COL24A1: variants seen among roughly 807,000 people sequenced by gnomAD.
COL24A1 encodes the protein collagen alpha-1(XXIV) chain.
A neutral mutation model predicts 253.9 loss-of-function variants in COL24A1; 224 were observed. The ratio of observed to expected loss-of-function variants is 0.88; its 90% CI spans 0.79 to 0.99. COL24A1 has a LOEUF of 0.99. COL24A1 is among the 50% of genes least tolerant of loss of function. The pLI, the probability that COL24A1 is intolerant of heterozygous loss-of-function variation, is 0.00. For missense variants in COL24A1, 2,131 were observed against 2,068.5 expected (o/e 1.03, Z -0.59); for synonymous variants, 685 against 673.7 (o/e 1.02, Z -0.26).
chr1:85,835,538 T>A (rs1249543353), intron 43 of COL24A1, among the ~76,000 whole-genome samples: 4 of 152,212 alleles, frequency 2.6e-5, no homozygotes, highest in Admixed American at 1.3e-4. Context: ...TGGTCAAAGA[T>A]GTTTGTGACT....
intron 19 of COL24A1, among the ~76,000 whole-genome samples, chr1:85,995,588 G>A (rs369547044): frequency 3.3e-5 from 5 of 152,176 alleles, no homozygotes; most frequent in Admixed American, 6.5e-5. Flanking sequence ...GAGGAGGGAG[G>A]GGGGAAGGAG....
intron 43 of COL24A1, among the ~76,000 whole-genome samples, chr1:85,831,923 T>C (rs1054947834): frequency 1.3e-5 from 2 of 152,084 alleles, no homozygotes; most frequent in Non-Finnish European, 2.9e-5. Flanking sequence ...AGAAGCTCTT[T>C]AGTTTAATTA....
intron 47 of COL24A1, among the ~76,000 whole-genome samples, chr1:85,815,871 T>A (rs1672998991): frequency 6.6e-6 from 1 of 152,158 alleles, no homozygotes; most frequent in African/African-American, 2.4e-5. Context: ...AGGATGACAT[T>A]AGGGAAGGAA....
chr1:85,770,293 C>A (rs1161422754), intron 53 of COL24A1, among the ~76,000 whole-genome samples: 1 of 134,168 alleles, frequency 7.5e-6, no homozygotes, highest in East Asian at 2.1e-4. Context: ...GAGTCTCAAG[C>A]ATACCCTAAG....
At chr1:85,838,181 A>AT (rs35879143) in intron 43 of COL24A1, among the ~76,000 whole-genome samples, 1 of 151,826 alleles carries the variant, frequency 6.6e-6, no homozygotes, top group Admixed American at 6.6e-5. Context: ...GAGAGACAAG[A>AT]TTTTTTTTCT....
chr1:85,793,807 T>G (rs914922183), intron 47 of COL24A1, among the ~76,000 whole-genome samples: 18 of 152,058 alleles, frequency 1.2e-4, no homozygotes, highest in African/African-American at 3.4e-4. Flanking sequence ...TTCAAAAATG[T>G]TCAGAAAAGA....
intron 24 of COL24A1, among the ~76,000 whole-genome samples, chr1:85,952,371 T>C (rs781237697): frequency 2.6e-4 from 39 of 152,232 alleles, no homozygotes; most frequent in Admixed American, 3.9e-4. Flanking sequence ...TAGACATACA[T>C]GTGGTGTACA....
chr1:85,830,244 G>A (rs1286446490), intron 43 of COL24A1, among the ~76,000 whole-genome samples: 1 of 152,088 alleles, frequency 6.6e-6, no homozygotes, highest in Admixed American at 6.6e-5. Flanking sequence ...CGGGGGTCAG[G>A]GGTCAGGGAC....
At chr1:85,739,451 C>T (rs940365053) in intron 57 of COL24A1, among the ~76,000 whole-genome samples, 2 of 152,130 alleles carry the variant, frequency 1.3e-5, no homozygotes, top group African/African-American at 4.8e-5. Flanking sequence ...CTAGCTCTTC[C>T]CTGAGGACAC....
At position 86,023,002 on chromosome 1, in the gene COL24A1, A is replaced by G. The variant is rs1224379941; in HGVS notation, c.2055T>C (p.Ser685=). The G allele has an allele frequency of 6.2e-7, 1 of 1,612,542 alleles. No homozygotes were observed. The highest frequency in any genetic ancestry group is 1.3e-5 in the African/African-American group (1 of 74,870). The change falls in exon 15 of 60, where the codon AGT becomes AGC. Residue 685 remains serine, a synonymous_variant. Coordinates refer to ENST00000370571, the MANE Select transcript of COL24A1 (RefSeq NM_152890.7). ...GTCCAATTGGTCCCACAGGGCCAAC[A>G]CTGCCCTGGAAAACAGTAAGAAAGA... The part of the protein sequence containing the change: ...GPPGFPGLRG[S]VGPVGPIGPA...
intron 20 of COL24A1, among the ~76,000 whole-genome samples, chr1:85,974,255 A>C (rs1339004858): frequency 6.6e-6 from 1 of 152,152 alleles, no homozygotes; most frequent in African/African-American, 2.4e-5. Context: ...AGAATACTGA[A>C]TCCTCAAATG....
intron 24 of COL24A1, among the ~76,000 whole-genome samples, chr1:85,920,827 A>T (rs923538900): frequency 6.6e-6 from 1 of 152,132 alleles, no homozygotes; most frequent in Non-Finnish European, 1.5e-5. Context: ...TCTCCATAGA[A>T]CAATCAATTG....
At chr1:85,949,110 G>A (rs966647902) in intron 24 of COL24A1, among the ~76,000 whole-genome samples, 14 of 151,876 alleles carry the variant, frequency 9.2e-5, no homozygotes, top group East Asian at 1.9e-4. Flanking sequence ...ACTCTTACCC[G>A]TTTTGTTATA....
At chr1:85,847,017 GC>G (rs1677208057) in intron 39 of COL24A1, among the ~76,000 whole-genome samples, 1 of 152,032 alleles carries the variant, frequency 6.6e-6, no homozygotes, top group South Asian at 2.1e-4. Context: ...TTGTAAAAAA[GC>G]CTATGAAACA....
intron 59 of COL24A1, among the ~76,000 whole-genome samples, chr1:85,730,898 G>A (rs1002462875): frequency 2.6e-5 from 4 of 151,968 alleles, no homozygotes; most frequent in Non-Finnish European, 5.9e-5. Flanking sequence ...GGCACTGTCT[G>A]TTCTAATTTT....
At chr1:86,138,864 A>C (rs1553148857) in intron 2 of COL24A1, among the ~76,000 whole-genome samples, 1 of 147,628 alleles carries the variant, frequency 6.8e-6, no homozygotes, top group South Asian at 2.1e-4. Flanking sequence ...TTTTTATCTC[A>C]TCCCGTCAGA....
chr1:85,955,497 C>T (rs1298739705), intron 24 of COL24A1, among the ~76,000 whole-genome samples: 2 of 152,196 alleles, frequency 1.3e-5, no homozygotes, highest in Non-Finnish European at 1.5e-5. Context: ...TAACACATGC[C>T]CACTGGGGCT....
intron 24 of COL24A1, among the ~76,000 whole-genome samples, chr1:85,923,180 G>T (rs545524130): frequency 1.3e-4 from 20 of 152,290 alleles, no homozygotes; most frequent in Admixed American, 5.2e-4. Flanking sequence ...CAAGTCCTTA[G>T]GGATCTACAA....
chr1:85,791,975 A>G (rs1037813592), intron 47 of COL24A1, among the ~76,000 whole-genome samples: 6 of 152,152 alleles, frequency 3.9e-5, no homozygotes, highest in Non-Finnish European at 7.3e-5. Flanking sequence ...GTTATCCTAT[A>G]CAAAGCATGA....
Sources: gnomAD v4.1 joint callset for allele counts (sites outside exome capture counted in the v4.1 genomes callset) on GRCh38, gnomAD v4.1.1 for gene constraint, MANE v1.5 for transcripts, NCBI Gene and HGNC (gene_info 2026-07-23, HGNC 2026-07-21) for gene names.